EPHB1: variants seen among roughly 807,000 people sequenced by gnomAD.
EPHB1 encodes ephrin type-B receptor 1.
EPHB1 carries 30 observed loss-of-function variants against 94.4 expected under a neutral mutation model. That is an observed-to-expected ratio of 0.32 (90% CI 0.24 to 0.43). The LOEUF (loss-of-function observed/expected upper bound fraction) is 0.43. Among genes scored for constraint, EPHB1 ranks in the 20% least tolerant of loss-of-function variants. The probability of loss-of-function intolerance (pLI) is 1.00; values close to 1 mark genes in which losing one functional copy is unlikely to be tolerated. For synonymous variants in EPHB1, 522 were observed against 489.1 expected, an observed-to-expected ratio of 1.07 and a Z score of -0.89; for missense variants, 1,055 against 1,308.3, an observed-to-expected ratio of 0.81 and a Z score of 2.99.
chr3:134,859,772 C>T (rs370838835), intron 1 of EPHB1, among the ~76,000 whole-genome samples: 11 of 152,240 alleles, frequency 7.2e-5, no homozygotes, highest in African/African-American at 1.2e-4. Flanking sequence ...GTCAGAAAAT[C>T]GCTAAATTCA....
At chr3:135,214,804 A>G (rs111561451) in intron 12 of EPHB1, among the ~76,000 whole-genome samples, 11 of 152,294 alleles carry the variant, frequency 7.2e-5, no homozygotes, top group Non-Finnish European at 1.2e-4. Flanking sequence ...GTACTGCCCA[A>G]TTGATCCCTG....
intron 3 of EPHB1, among the ~76,000 whole-genome samples, chr3:134,985,606 C>T (rs1283020789): frequency 2.0e-5 from 3 of 152,186 alleles, no homozygotes; most frequent in Non-Finnish European, 2.9e-5. Flanking sequence ...ACTTGTGCCT[C>T]AGTTTCCTCT....
chr3:134,987,733 T>G (rs1934653227), intron 3 of EPHB1, among the ~76,000 whole-genome samples: 1 of 152,056 alleles, frequency 6.6e-6, no homozygotes, highest in Admixed American at 6.5e-5. Flanking sequence ...ATCACGCCAT[T>G]GTATTCCAGC....
chr3:135,002,137 T>C (rs1277239600), intron 3 of EPHB1, among the ~76,000 whole-genome samples: 2 of 152,212 alleles, frequency 1.3e-5, no homozygotes, highest in Non-Finnish European at 2.9e-5. Context: ...TGGATGGACC[T>C]TGAAAACAAT....
At chr3:134,876,914 C>A (rs1301438528) in intron 1 of EPHB1, among the ~76,000 whole-genome samples, 1 of 152,192 alleles carries the variant, frequency 6.6e-6, no homozygotes, top group East Asian at 1.9e-4. Flanking sequence ...TTCCCACATG[C>A]CTTGGTGCTG....
chr3:135,173,419 CA>C (rs1336018337), intron 9 of EPHB1, among the ~76,000 whole-genome samples: 1 of 152,108 alleles, frequency 6.6e-6, no homozygotes, highest in East Asian at 1.9e-4. Flanking sequence ...GTTTTTGGGG[CA>C]GATCCCAAAA....
intron 5 of EPHB1, among the ~76,000 whole-genome samples, chr3:135,151,045 A>G (rs1466241128): frequency 1.3e-5 from 2 of 152,198 alleles, no homozygotes; most frequent in Admixed American, 6.5e-5. Context: ...TTCTAAATAG[A>G]TTCAGAATCT....
chr3:134,846,070 G>T (rs1359672149), intron 1 of EPHB1, among the ~76,000 whole-genome samples: 1 of 152,168 alleles, frequency 6.6e-6, no homozygotes, highest in Non-Finnish European at 1.5e-5. Context: ...CTGTGCTTGG[G>T]AGTTGCATCT....
At chr3:135,231,903 C>A (rs556359720) in intron 12 of EPHB1, among the ~76,000 whole-genome samples, 1 of 152,140 alleles carries the variant, frequency 6.6e-6, no homozygotes, top group Non-Finnish European at 1.5e-5. Context: ...ATCCTTAGCA[C>A]GGTAATAAAT....
chr3:134,963,144 TC>T (rs1933591852), intron 3 of EPHB1, among the ~76,000 whole-genome samples: 2 of 87,792 alleles, frequency 2.3e-5, no homozygotes, highest in African/African-American at 1.4e-4. Context: ...GCTCCTTCCT[TC>T]CTTCCTTCCT....
chr3:134,856,662 G>A (rs746487219), intron 1 of EPHB1, among the ~76,000 whole-genome samples: 1 of 152,158 alleles, frequency 6.6e-6, no homozygotes. Flanking sequence ...AGGTGCTGTC[G>A]ATGTAAAATG....
intron 3 of EPHB1, among the ~76,000 whole-genome samples, chr3:134,989,185 T>A (rs950629264): frequency 6.6e-6 from 1 of 152,050 alleles, no homozygotes; most frequent in Non-Finnish European, 1.5e-5. Flanking sequence ...GTGACATAAA[T>A]CAGAAAGGCT....
chr3:135,159,438 A>G (rs1170009156), intron 6 of EPHB1, among the ~76,000 whole-genome samples: 1 of 152,272 alleles, frequency 6.6e-6, no homozygotes, highest in Non-Finnish European at 1.5e-5. Context: ...GCCTGATTTC[A>G]GCAGATTCTA....
chr3:135,237,632 A>G (rs1018743237), intron 12 of EPHB1, among the ~76,000 whole-genome samples: 5 of 152,130 alleles, frequency 3.3e-5, no homozygotes, highest in African/African-American at 1.2e-4. Flanking sequence ...ACCTTGTAGA[A>G]ACCCCTGCCA....
intron 9 of EPHB1, among the ~76,000 whole-genome samples, chr3:135,176,000 G>A (rs1308200965): frequency 1.3e-5 from 2 of 152,166 alleles, no homozygotes; most frequent in African/African-American, 4.8e-5. Flanking sequence ...AACACAAAAT[G>A]AGCCAAAAGA....
chr3:135,071,107 C>T (rs1312933372), intron 3 of EPHB1, among the ~76,000 whole-genome samples: 1 of 152,220 alleles, frequency 6.6e-6, no homozygotes, highest in Non-Finnish European at 1.5e-5. Context: ...TCCATCCAGC[C>T]AGTCTTCCTT....
chr3:135,102,263 A>G (rs946897388), intron 3 of EPHB1, among the ~76,000 whole-genome samples: 1 of 152,202 alleles, frequency 6.6e-6, no homozygotes, highest in Non-Finnish European at 1.5e-5. Context: ...CAGGGTCTCC[A>G]CCACTCTGCA....
chr3:134,890,527 C>G (rs1411307598), intron 1 of EPHB1, among the ~76,000 whole-genome samples: 3 of 152,162 alleles, frequency 2.0e-5, no homozygotes, highest in African/African-American at 7.2e-5. Flanking sequence ...TCTTGGCTGT[C>G]TTGGGCATAT....
chr3:134,894,686 A>G (rs1048990030), intron 1 of EPHB1, among the ~76,000 whole-genome samples: 3 of 151,994 alleles, frequency 2.0e-5, no homozygotes, highest in African/African-American at 7.3e-5. Context: ...CAGTACCCAG[A>G]CTCTCTGCTG....
Sources: gnomAD v4.1 joint callset for allele counts (sites outside exome capture counted in the v4.1 genomes callset) on GRCh38, gnomAD v4.1.1 for gene constraint, MANE v1.5 for transcripts, NCBI Gene and HGNC (gene_info 2026-07-23, HGNC 2026-07-21) for gene names.